Variants in LDAF1 observed in about 807,000 individuals in gnomAD.
LDAF1 encodes PROMETHIN.
LDAF1 carries 7 observed loss-of-function variants against 13.5 expected under a neutral mutation model. The ratio of observed to expected loss-of-function variants is 0.52; its 90% CI spans 0.29 to 0.97. The LOEUF (loss-of-function observed/expected upper bound fraction) is 0.97, where lower values mean the gene tolerates loss of function less well. Ranked by LOEUF, LDAF1 falls within the 50% of genes least tolerant of loss-of-function variation. LDAF1 has a pLI of 0.07. For synonymous variants in LDAF1, 69 were observed against 77.1 expected (o/e 0.89, Z 0.55); for missense variants, 148 against 193.2 (o/e 0.77, Z 1.39).
rs141753916 is a variant in LDAF1, at chr16:21,161,484, T to C, written c.96+206T>C. On this transcript the variant is annotated intron_variant, in intron 2 of 4. Coordinates refer to ENST00000233047, the MANE Select transcript of LDAF1 (RefSeq NM_001301771.2). ...GAGCATCAGCCATTGTATCCATCTT[T>C]CAGGCAACAGGATTTGAGGAGGGGG... is the stretch of plus-strand genomic sequence containing the variant. Among the ~76,000 whole-genome samples the C allele has an allele frequency of 2.4e-4, 36 of 152,338 alleles. 1 individual carries two copies. The South Asian group carries it at 3.7e-3, about 16-fold the overall frequency.
At position 21,179,673 on chromosome 16, in the gene LDAF1, C is replaced by T. The variant is rs906911480; in HGVS notation, c.*117C>T. On this transcript the variant is annotated 3_prime_UTR_variant, in exon 5 of 5. Coordinates refer to ENST00000233047, the MANE Select transcript of LDAF1 (RefSeq NM_001301771.2). ...CAAGCACTCCTTGGCTGTGTCCTCT[C>T]GCTTTTTCACTTACTTGTAGGATCC... 6 of 817,942 alleles carry T rather than the reference C, an allele frequency of 7.3e-6. No individual in the cohort carries two copies. In the African/African-American group the frequency reaches 8.7e-5, roughly 12 times the overall value. The allele number at this position is 817,942 out of a possible 1,614,324, so 50.7% of individuals were successfully genotyped here. A position where few individuals can be genotyped will look rare whatever the true frequency, so the allele number is the denominator to read the frequency against.
intron 4 of LDAF1, among the ~76,000 whole-genome samples, chr16:21,176,234 A>T (rs1225927911): frequency 3.9e-5 from 6 of 152,168 alleles, no homozygotes; most frequent in Non-Finnish European, 5.9e-5. Flanking sequence ...CAAATCCAGG[A>T]TTTGTACTTG....
chr16:21,180,490 T>A lies in LDAF1; in HGVS notation c.*934T>A, dbSNP rs2093172614. On this transcript the variant is annotated 3_prime_UTR_variant, in exon 5 of 5. Transcript: ENST00000233047. ...CCTGACCTCAGGTGCTCCACCTGCC[T>A]TGGCCTCCCAAAGTGCTGGGATTAC... The A allele has an allele frequency of 6.6e-6, 1 of 152,260 alleles. No individual in the cohort carries two copies. The highest frequency in any genetic ancestry group is 1.5e-5 in the Non-Finnish European group (1 of 68,082). The allele number at this position is 152,260 out of a possible 1,614,324, so 9.4% of individuals were successfully genotyped here. A position where few individuals can be genotyped will look rare whatever the true frequency, so the allele number is the denominator to read the frequency against.
In LDAF1 at chr16:21,178,948, C is replaced by T. The variant is rs143254087; in HGVS notation, c.405-527C>T. The T allele has an allele frequency of 5.2e-3, 808 of 155,206 alleles. 8 individuals are homozygous for T. The highest frequency in any genetic ancestry group is 0.018 in the African/African-American group (751 of 41,552). The allele number at this position is 155,206 out of a possible 1,614,324, so 9.6% of individuals were successfully genotyped here. A position where few individuals can be genotyped will look rare whatever the true frequency, so the allele number is the denominator to read the frequency against. ...ATGTGGAATTGTGAGTCCATGAAACCTCTTTTTCTTTATAAATTACCCAGT... is the reference window on the plus strand; with the variant it reads ...ATGTGGAATTGTGAGTCCATGAAACTTCTTTTTCTTTATAAATTACCCAGT... On this transcript the variant is annotated intron_variant, in intron 4 of 4. Coordinates refer to ENST00000233047, the MANE Select transcript of LDAF1 (RefSeq NM_001301771.2).
In LDAF1 at chr16:21,179,797, G is replaced by T; in HGVS notation, c.*241G>T. On this transcript the variant is annotated 3_prime_UTR_variant, in exon 5 of 5. Transcript: ENST00000233047. ...GGTTCAACAGCTCGCCCTGCCCCAAGTATGCAGACTTGACCTTGGCGGGGT... is the reference window on the plus strand; with the variant it reads ...GGTTCAACAGCTCGCCCTGCCCCAATTATGCAGACTTGACCTTGGCGGGGT... 2.2e-6 allele frequency: 1 copy of T among 457,420 alleles called. No individual in the cohort carries two copies. Among genetic ancestry groups the T allele is most frequent in the Non-Finnish European group, 3.9e-6 (1 of 253,304 alleles). The allele number at this position is 457,420 out of a possible 1,614,324, so 28.3% of individuals were successfully genotyped here.
chr16:21,176,011 C>A (rs1567202524), intron 4 of LDAF1, among the ~76,000 whole-genome samples: 2 of 152,302 alleles, frequency 1.3e-5, no homozygotes, highest in East Asian at 3.9e-4. Context: ...TCTCAATGAA[C>A]TGGAATTATA....
At chr16:21,162,742 T>G (rs530080773) in intron 2 of LDAF1, among the ~76,000 whole-genome samples, 6 of 152,370 alleles carry the variant, frequency 3.9e-5, no homozygotes, top group African/African-American at 1.2e-4. Flanking sequence ...AGCAGCTTTC[T>G]CGCCAGCTGG....
Position 21,180,211 on chromosome 16 carries a change from T to TAA in LDAF1, c.*655_*656insAA. On this transcript the variant is annotated 3_prime_UTR_variant, in exon 5 of 5. Coordinates refer to ENST00000233047, the MANE Select transcript of LDAF1 (RefSeq NM_001301771.2). ...TTGTATTGTTCTAAAGAGCTTGTCC[T>TAA]TTAAGTAATTTCTTTCTTTTTTTTT... 6.6e-6 allele frequency: 1 copy of TAA among 152,102 alleles called. No individual in the cohort carries two copies. Among genetic ancestry groups the TAA allele is most frequent in the East Asian group, 1.9e-4 (1 of 5,190 alleles). The allele number at this position is 152,102 out of a possible 1,614,324, so 9.4% of individuals were successfully genotyped here.
At chr16:21,159,574 G>A (rs1597518891) in intron 1 of LDAF1, 3 of 868,670 alleles carry the variant, frequency 3.5e-6, no homozygotes, top group East Asian at 5.1e-5. Context: ...AGCTGGTGTT[G>A]GCCTGGCCCA....
intron 4 of LDAF1, among the ~76,000 whole-genome samples, chr16:21,177,797 T>C (rs1032748974): frequency 6.6e-6 from 1 of 151,892 alleles, no homozygotes; most frequent in African/African-American, 2.4e-5. Context: ...TTTGTGTTTT[T>C]AGTAGAGGTG....
rs1430677779 is a variant in LDAF1, at chr16:21,161,190, A to AAG, written c.11_12dup (p.Glu5ArgfsTer20). ...ATTGAAGTGAGCTTCAGAATGGCAA[A>AAG]AGAGGAGCCCCAGAGTATCTCAAGG... On this transcript the variant is annotated frameshift_variant, in exon 2 of 5. Transcript: ENST00000233047. LOFTEE classifies it high-confidence loss of function. 1 of 1,614,122 alleles carries AAG rather than the reference A, an allele frequency of 6.2e-7. No individual in the cohort carries two copies. Among genetic ancestry groups the AAG allele is most frequent in the East Asian group, 2.2e-5 (1 of 44,886 alleles).
intron 1 of LDAF1, 50 bp from the exon 2 acceptor site, chr16:21,161,035 G>C: frequency 7.1e-7 from 1 of 1,412,472 alleles, no homozygotes; most frequent in Non-Finnish European, 9.2e-7. Context: ...AGCTCTCGTC[G>C]AACCAGATGG....
chr16:21,161,118 G>T lies in LDAF1; in HGVS notation c.-65G>T. 1 of 1,597,168 alleles carries T rather than the reference G, an allele frequency of 6.3e-7. No homozygotes were observed. The highest frequency in any genetic ancestry group is 8.5e-7 in the Non-Finnish European group (1 of 1,173,002). ...AGAGCGACATGAGAGATTGGACCGCGGGCTGCACTGGAGAATTTACTGGTA... is the reference window on the plus strand; with the variant it reads ...AGAGCGACATGAGAGATTGGACCGCTGGCTGCACTGGAGAATTTACTGGTA... On this transcript the variant is annotated 5_prime_UTR_variant, in exon 2 of 5. Transcript: ENST00000233047.
chr16:21,176,984 C>T (rs1176002434), intron 4 of LDAF1, among the ~76,000 whole-genome samples: 4 of 151,292 alleles, frequency 2.6e-5, no homozygotes, highest in Admixed American at 2.0e-4. Context: ...AATAATTATT[C>T]TATGAGAAAT....
intron 1 of LDAF1, chr16:21,159,511 CG>C: frequency 1.4e-6 from 2 of 1,443,822 alleles, no homozygotes. Context: ...CCTGGAGGTT[CG>C]GGGGTGGGAG....
intron 2 of LDAF1, among the ~76,000 whole-genome samples, chr16:21,166,303 C>G (rs1421828553): frequency 1.3e-5 from 2 of 151,958 alleles, no homozygotes; most frequent in African/African-American, 4.8e-5. Flanking sequence ...AATTCTGATG[C>G]CAAATTTTCA....
At chr16:21,163,971 G>T (rs1478415875) in intron 2 of LDAF1, among the ~76,000 whole-genome samples, 1 of 152,130 alleles carries the variant, frequency 6.6e-6, no homozygotes, top group African/African-American at 2.4e-5. Context: ...CAAAGTGCTG[G>T]GATTATAGGC....
At chr16:21,174,610 T>C (rs1333256215) in intron 4 of LDAF1, among the ~76,000 whole-genome samples, 1 of 152,224 alleles carries the variant, frequency 6.6e-6, no homozygotes, top group Non-Finnish European at 1.5e-5. Context: ...TCCCCATGTA[T>C]GCCAGGCATC....
chr16:21,166,702 A>G, intron 2 of LDAF1: 1 of 678,322 alleles, frequency 1.5e-6, no homozygotes, highest in Non-Finnish European at 2.6e-6. Context: ...TGTAAAGATC[A>G]GGTGACACAG....
Sources: allele counts gnomAD v4.1 joint callset (sites outside exome capture counted in the v4.1 genomes callset), GRCh38; gene constraint gnomAD v4.1.1; transcripts MANE v1.5; gene names NCBI Gene and HGNC (gene_info 2026-07-23, HGNC 2026-07-21).